METTL15: variants seen among roughly 807,000 people sequenced by gnomAD.
METTL15 encodes the protein methyltransferase 15, mitochondrial 12S rRNA N4-cytidine, also known as 12S rRNA N(4)-cytidine methyltransferase METTL15.
Under a neutral mutation model 38.3 loss-of-function variants are expected in METTL15, and 34 were observed. The observed-to-expected ratio is 0.89, with a 90% CI of 0.68 to 1.18. The LOEUF (loss-of-function observed/expected upper bound fraction) is 1.18. Among genes scored for constraint, METTL15 ranks in the 50% most tolerant of loss-of-function variants. The pLI is 0.00. For missense variants in METTL15, 438 were observed against 498.4 expected, an observed-to-expected ratio of 0.88 and a Z score of 1.15; for synonymous variants, 162 against 170.9, an observed-to-expected ratio of 0.95 and a Z score of 0.41.
downstream of METTL15, among the ~76,000 whole-genome samples, chr11:28,531,070 C>G (rs1851841038): frequency 1.3e-5 from 2 of 151,954 alleles, no homozygotes; most frequent in South Asian, 4.1e-4. Context: ...TGCTTTCTAA[C>G]TGCATTTGTA....
intron 5 of METTL15, among the ~76,000 whole-genome samples, chr11:28,384,632 G>T (rs931548233): frequency 3.3e-5 from 5 of 152,018 alleles, no homozygotes; most frequent in African/African-American, 9.7e-5. Context: ...ATGATAGAAT[G>T]ATTTACATTC....
chr11:28,312,562 G>A (rs1284430435), intron 6 of METTL15, among the ~76,000 whole-genome samples: 1 of 115,150 alleles, frequency 8.7e-6, no homozygotes, highest in African/African-American at 2.6e-5. Context: ...TTATTTCTTT[G>A]TTCTTTTTTT....
At chr11:28,294,579 G>C (rs1856658913) in intron 5 of METTL15, among the ~76,000 whole-genome samples, 1 of 152,156 alleles carries the variant, frequency 6.6e-6, no homozygotes, top group African/African-American at 2.4e-5. Context: ...TCTGTTGGCA[G>C]TTATAGTCTT....
rs562292404 is a variant in METTL15 at position 28,523,235 on chromosome 11, T to C, written c.*425-3243T>C. On this transcript the variant is annotated intron_variant and NMD_transcript_variant, in intron 6 of 7. Coordinates refer to the METTL15 transcript ENST00000532947. ...TCTTGGGCACATAAGTAGTCTGTAT[T>C]TTCCATCCCAAATACAAACACATTT... Among the ~76,000 whole-genome samples the C allele has an allele frequency of 7.9e-5, 12 of 152,374 alleles. No individual in the cohort carries two copies. In the South Asian group the frequency reaches 2.1e-3, roughly 26 times the overall value.
intron 6 of METTL15, among the ~76,000 whole-genome samples, chr11:28,457,663 G>A (rs530450017): frequency 6.0e-4 from 91 of 152,268 alleles, no homozygotes; most frequent in Non-Finnish European, 1.0e-3. Flanking sequence ...GGAATCAACT[G>A]CCACAGCCAC....
chr11:28,368,143 C>CAAAAAAAAAAAAAAAAAAAA (rs1421370868), intron 5 of METTL15, among the ~76,000 whole-genome samples: 1 of 87,068 alleles, frequency 1.1e-5, no homozygotes, highest in African/African-American at 4.5e-5. Flanking sequence ...AAAAAAAAAA[C>CAAAAAAAAAAAAAAAAAAAA]AAAAAAAACA....
At chr11:28,245,153 A>G (rs10835294) in intron 4 of METTL15, among the ~76,000 whole-genome samples, 70,474 of 152,038 alleles carry the variant, frequency 0.46, 17,871 homozygotes, top group Admixed American at 0.56. Context: ...ATTACAGACA[A>G]TGGAGCTGTA....
chr11:28,156,161 T>C (rs992744532), intron 3 of METTL15, among the ~76,000 whole-genome samples: 2 of 152,146 alleles, frequency 1.3e-5, no homozygotes, highest in Non-Finnish European at 2.9e-5. Flanking sequence ...GGAAATAAGA[T>C]TTGGAAGTCA....
chr11:28,229,216 A>T (rs899942771), intron 4 of METTL15, among the ~76,000 whole-genome samples: 3 of 151,964 alleles, frequency 2.0e-5, no homozygotes, highest in Admixed American at 6.6e-5. Context: ...TATTATTGTC[A>T]TTATGCTAAG....
At chr11:28,391,164 G>A (rs1338750600) in intron 5 of METTL15, among the ~76,000 whole-genome samples, 2 of 152,152 alleles carry the variant, frequency 1.3e-5, no homozygotes, top group East Asian at 3.9e-4. Flanking sequence ...ATACAATCAT[G>A]TCATCTGCAA....
At chr11:28,308,294 T>A (rs138860857) in intron 6 of METTL15, among the ~76,000 whole-genome samples, 1 of 152,294 alleles carries the variant, frequency 6.6e-6, no homozygotes, top group East Asian at 1.9e-4. Flanking sequence ...TTCTTTAATA[T>A]TTCTATATTC....
At chr11:28,504,325 G>A (rs962522038) in intron 6 of METTL15, among the ~76,000 whole-genome samples, 2 of 152,140 alleles carry the variant, frequency 1.3e-5, no homozygotes, top group African/African-American at 4.8e-5. Context: ...AGCTAGTAGG[G>A]CTGGGGCAAA....
chr11:28,412,517 A>G (rs1390248621), intron 5 of METTL15, among the ~76,000 whole-genome samples: 1 of 152,014 alleles, frequency 6.6e-6, no homozygotes, highest in Admixed American at 6.6e-5. Flanking sequence ...ATCACTTTCC[A>G]TAATATCAGA....
chr11:28,113,368 A>C lies in METTL15; in HGVS notation c.34A>C (p.Lys12Gln), dbSNP rs758204034. 3 of 1,590,728 alleles carry C rather than the reference A, an allele frequency of 1.9e-6. No individual in the cohort carries two copies. The Admixed American group carries it at 5.2e-5, about 28-fold the overall frequency. Residue 12 changes from lysine (K) to glutamine (Q), a missense_variant, in exon 3 of 7, where the codon AAA (lysine) becomes CAA (glutamine). Coordinates refer to ENST00000407364, the MANE Select transcript of METTL15 (RefSeq NM_001113528.2). ...GTATCCATATTTTTGTAGAATGTAT[A>C]AAGAATGCCTTTCATGTTGGTTGGA... ...LRYPYFCRMY[K>Q]ECLSCWLESG...
At chr11:28,411,960 A>C (rs1850731219) in intron 5 of METTL15, among the ~76,000 whole-genome samples, 1 of 152,146 alleles carries the variant, frequency 6.6e-6, no homozygotes, top group South Asian at 2.1e-4. Flanking sequence ...CCTAAAGAAG[A>C]TGTGAAGATG....
chr11:28,513,102 C>T (rs1025998829), intron 6 of METTL15, among the ~76,000 whole-genome samples: 10 of 132,640 alleles, frequency 7.5e-5, no homozygotes, highest in African/African-American at 2.5e-4. Context: ...GAAATGATTA[C>T]AAGAACTCAC....
intron 5 of METTL15, among the ~76,000 whole-genome samples, chr11:28,392,453 T>A (rs1850519727): frequency 6.6e-6 from 1 of 152,032 alleles, no homozygotes; most frequent in Admixed American, 6.6e-5. Context: ...TCAAATGATC[T>A]TAAACAAGGG....
intron 4 of METTL15, among the ~76,000 whole-genome samples, chr11:28,271,622 C>A (rs1246689287): frequency 6.6e-6 from 1 of 152,084 alleles, no homozygotes; most frequent in Non-Finnish European, 1.5e-5. Context: ...AAAACTAAAT[C>A]AATCAATAGA....
At chr11:28,266,394 T>A (rs2133948861) in intron 4 of METTL15, among the ~76,000 whole-genome samples, 1 of 152,218 alleles carries the variant, frequency 6.6e-6, no homozygotes, top group Non-Finnish European at 1.5e-5. Flanking sequence ...AAATGATGAG[T>A]TCATGTCCTT....
Sources: gnomAD v4.1 joint callset for allele counts (sites outside exome capture counted in the v4.1 genomes callset) on GRCh38, gnomAD v4.1.1 for gene constraint, MANE v1.5 for transcripts, NCBI Gene and HGNC (gene_info 2026-07-23, HGNC 2026-07-21) for gene names.